Variants in FGF14 observed in about 807,000 individuals in gnomAD.
FGF14 encodes fibroblast growth factor homologous factor 4.
Under a neutral mutation model 25.5 loss-of-function variants are expected in FGF14, and 5 were observed. The ratio of observed to expected loss-of-function variants is 0.20; its 90% confidence interval spans 0.10 to 0.41. The LOEUF (loss-of-function observed/expected upper bound fraction) is 0.41, where lower values mean the gene tolerates loss of function less well. Ranked by LOEUF, FGF14 falls within the 10% of genes least tolerant of loss-of-function variation. The pLI, the probability that FGF14 is intolerant of heterozygous loss-of-function variation, is 1.00. For missense variants in FGF14, 222 were observed against 320.1 expected (o/e 0.69, Z 2.34); for synonymous variants, 138 against 118.3 (o/e 1.17, Z -1.08).
intron 1 of FGF14, among the ~76,000 whole-genome samples, chr13:102,302,160 T>C (rs918576522): frequency 9.8e-5 from 15 of 152,308 alleles, no homozygotes; most frequent in African/African-American, 3.4e-4. Context: ...CAAAAGGTTT[T>C]TAAAATACTA....
rs192685475 is a variant in FGF14 at position 101,767,611 on chromosome 13, T to C, written c.409-40801A>G. On this transcript the variant is annotated intron_variant, in intron 3 of 4. Coordinates refer to ENST00000376143, the MANE Select transcript of FGF14 (RefSeq NM_004115.4). The stretch of plus-strand genomic sequence containing the variant: ...TTATTGCAATACAAACTGGGAAAGA[T>C]AAGATACTGGAATGTAACCTGCATC... 1.4e-3 allele frequency among the ~76,000 whole-genome samples: 210 copies of C among 152,334 alleles called. 1 individual carries two copies. Among genetic ancestry groups the C allele is most frequent in the African/African-American group, 4.9e-3 (204 of 41,582 alleles).
intron 1 of FGF14, among the ~76,000 whole-genome samples, chr13:101,888,961 T>C (rs1288457044): frequency 6.6e-6 from 1 of 152,102 alleles, no homozygotes; most frequent in Non-Finnish European, 1.5e-5. Context: ...ATGAGGTCAT[T>C]AGGTTGGGCC....
rs190974026 is a variant in FGF14 at position 101,723,146 on chromosome 13, A to G, written c.608-179T>C. 4.0e-3 allele frequency: 2,885 copies of G among 715,754 alleles called. 11 individuals carry two copies. The highest frequency in any genetic ancestry group is 5.6e-3 in the Non-Finnish European group (2,306 of 411,368). 44.3% of individuals were successfully genotyped at this position (715,754 alleles called of 1,614,324 possible). ...CAATCATTTCCAGCCCACAGAGGAC[A>G]TTACTCCCTTCACATTCTCTGGTCT... On this transcript the variant is annotated intron_variant, in intron 4 of 4. Coordinates refer to ENST00000376143, the MANE Select transcript of FGF14 (RefSeq NM_004115.4).
intron 3 of FGF14, among the ~76,000 whole-genome samples, chr13:101,750,138 A>G (rs1055864822): frequency 2.0e-5 from 3 of 152,130 alleles, no homozygotes; most frequent in African/African-American, 7.2e-5. Flanking sequence ...TGTGAGACAT[A>G]TATTTCTGTT....
intron 1 of FGF14, among the ~76,000 whole-genome samples, chr13:101,951,636 T>C (rs997895473): frequency 1.3e-5 from 2 of 152,164 alleles, no homozygotes; most frequent in Non-Finnish European, 2.9e-5. Flanking sequence ...CTTGAGCTTG[T>C]TGATTTTCAA....
At chr13:101,917,623 C>A (rs937016654), upstream of FGF14, among the ~76,000 whole-genome samples, 6 of 151,906 alleles carry the variant, frequency 3.9e-5, no homozygotes, top group African/African-American at 1.5e-4. Context: ...GCACCAACGC[C>A]CCCCCGTCGC....
intron 1 of FGF14, among the ~76,000 whole-genome samples, chr13:102,063,823 A>G (rs2042788697): frequency 1.3e-5 from 2 of 152,186 alleles, no homozygotes; most frequent in Admixed American, 1.3e-4. Flanking sequence ...GTATTTCCCT[A>G]AAAGCAAGAG....
At chr13:101,890,958 GAAT>G (rs2046238484) in intron 1 of FGF14, among the ~76,000 whole-genome samples, 1 of 152,002 alleles carries the variant, frequency 6.6e-6, no homozygotes, top group African/African-American at 2.4e-5. Context: ...AAGACAAGGG[GAAT>G]AATGTCTACC....
chr13:101,820,375 A>C (rs1465074605), intron 3 of FGF14, among the ~76,000 whole-genome samples: 1 of 152,212 alleles, frequency 6.6e-6, no homozygotes, highest in African/African-American at 2.4e-5. Context: ...AAACAGATTA[A>C]AATAAAATAA....
chr13:101,949,213 G>C (rs78907499), intron 1 of FGF14, among the ~76,000 whole-genome samples: 3,407 of 152,254 alleles, frequency 0.022, 129 homozygotes, highest in African/African-American at 0.077. Context: ...ATTGAAATCT[G>C]ACCAAAATCG....
At chr13:102,167,480 G>C (rs909378077) in intron 1 of FGF14, among the ~76,000 whole-genome samples, 1 of 151,908 alleles carries the variant, frequency 6.6e-6, no homozygotes, top group Admixed American at 6.6e-5. Context: ...TGCTTACTCA[G>C]ACTATTTCCT....
At chr13:101,821,897 A>G (rs1260486494) in intron 3 of FGF14, among the ~76,000 whole-genome samples, 1 of 152,174 alleles carries the variant, frequency 6.6e-6, no homozygotes, top group African/African-American at 2.4e-5. Context: ...CTTGTTTCAT[A>G]AGAATACTTT....
intron 1 of FGF14, among the ~76,000 whole-genome samples, chr13:102,167,677 G>A (rs978320735): frequency 2.6e-5 from 4 of 152,034 alleles, no homozygotes; most frequent in East Asian, 1.9e-4. Flanking sequence ...TAATAACACT[G>A]AACCTGTTGA....
chr13:101,963,418 T>A (rs558285030), intron 1 of FGF14, among the ~76,000 whole-genome samples: 1 of 152,118 alleles, frequency 6.6e-6, no homozygotes, highest in Non-Finnish European at 1.5e-5. Flanking sequence ...CTCCAAATGG[T>A]CCCTCTAATT....
intron 3 of FGF14, among the ~76,000 whole-genome samples, chr13:101,828,124 A>C (rs2140268619): frequency 6.6e-6 from 1 of 152,180 alleles, no homozygotes; most frequent in Middle Eastern, 3.4e-3. Context: ...ACACACATAT[A>C]TCACATACAG....
intron 1 of FGF14, among the ~76,000 whole-genome samples, chr13:102,008,216 A>T (rs1299221922): frequency 2.0e-5 from 3 of 152,220 alleles, no homozygotes; most frequent in African/African-American, 7.2e-5. Context: ...GCTGCTAGAG[A>T]CTGGCACAAA....
At chr13:102,234,108 A>C (rs2141002982) in intron 1 of FGF14, among the ~76,000 whole-genome samples, 1 of 152,312 alleles carries the variant, frequency 6.6e-6, no homozygotes, top group East Asian at 1.9e-4. Flanking sequence ...AAAGAGCTCT[A>C]GAGATGGAAG....
At chr13:102,367,526 G>C (rs1388926631) in intron 1 of FGF14, 2 of 151,760 alleles carry the variant, frequency 1.3e-5, no homozygotes, top group Non-Finnish European at 2.9e-5. Context: ...ACTGACAGAG[G>C]GAACAACAAG....
chr13:102,263,229 C>A, intron 1 of FGF14: 1 of 462,088 alleles, frequency 2.2e-6, no homozygotes, highest in South Asian at 2.1e-5. Context: ...GTCAAGCACA[C>A]ACCACGATGG....
Sources: allele counts gnomAD v4.1 joint callset (sites outside exome capture counted in the v4.1 genomes callset), GRCh38; gene constraint gnomAD v4.1.1; transcripts MANE v1.5; gene names NCBI Gene and HGNC (gene_info 2026-07-23, HGNC 2026-07-21).